Variants in FARP2 observed in about 807,000 individuals in gnomAD.
FARP2 encodes FERM, ARHGEF and pleckstrin domain-containing protein 2.
FARP2 carries 111 observed loss-of-function variants against 130.5 expected under a neutral mutation model. That is an observed-to-expected ratio of 0.85 (90% CI 0.73 to 1.00). The LOEUF is 1.00. FARP2 is among the 50% of genes least tolerant of loss of function. FARP2 has a pLI of 0.00. For missense variants in FARP2, 1,385 were observed against 1,346.3 expected (o/e 1.03, Z -0.45); for synonymous variants, 504 against 516.9 (o/e 0.98, Z 0.34).
At chr2:241,467,506 C>T (rs937241613) in intron 17 of FARP2, among the ~76,000 whole-genome samples, 12 of 152,020 alleles carry the variant, frequency 7.9e-5, no homozygotes, top group Middle Eastern at 3.4e-3. Context: ...AAAAATGAGC[C>T]GGGCGTGGTG....
At chr2:241,442,029 G>A in intron 13 of FARP2, 1 of 358,624 alleles carries the variant, frequency 2.8e-6, no homozygotes, top group South Asian at 2.1e-5. Flanking sequence ...CATTTGAGGA[G>A]GAAAGTGACT....
chr2:241,376,675 ATTC>A, intron 2 of FARP2, among the ~76,000 whole-genome samples: 1 of 152,284 alleles, frequency 6.6e-6, no homozygotes, highest in East Asian at 1.9e-4. Flanking sequence ...TCTCATTCGT[ATTC>A]TGTCTTTCTG....
In FARP2 at chr2:241,463,952, T is replaced by C; in HGVS notation, c.1865T>C (p.Ile622Thr). 6.2e-7 allele frequency: 1 copy of C among 1,614,140 alleles called. No individual in the cohort carries two copies. Among genetic ancestry groups the C allele is most frequent in the Non-Finnish European group, 8.5e-7 (1 of 1,179,972 alleles). Reference sequence around the variant, plus strand: ...GGCAGTCATCAACGAATCGGGGACATCCTGCTCAGGAACATGCGCCAGTTA... The same window carrying C: ...GGCAGTCATCAACGAATCGGGGACACCCTGCTCAGGAACATGCGCCAGTTA... ...TKGSHQRIGD[I>T]LLRNMRQLKE... The change falls in exon 17 of 27, where the codon ATC becomes ACC. Residue 622 changes from isoleucine (I) to threonine (T), a missense_variant. Ile to Thr is a moderately conservative substitution (Grantham distance 89). Transcript: ENST00000264042.
Position 241,373,279 on chromosome 2 carries a change from T to G in FARP2, c.172T>G (p.Phe58Val), listed in dbSNP as rs149449652. 1 of 1,462,566 alleles carries G rather than the reference T, an allele frequency of 6.8e-7. No individual in the cohort carries two copies. Among genetic ancestry groups the G allele is most frequent in the Non-Finnish European group, 9.1e-7 (1 of 1,095,484 alleles). The allele number at this position is 1,462,566 out of a possible 1,614,324, so 90.6% of individuals were successfully genotyped here. The stretch of plus-strand genomic sequence containing the variant: ...GCTGCTGGACAACACCATGGAAATA[T>G]TTGACATTGAGGTAAGAAGCATGAT... ...VKLLDNTMEIFDIEPKCDGQV... is the reference protein window; with the variant it reads ...VKLLDNTMEIVDIEPKCDGQV... The change falls in exon 2 of 27, where the codon TTT becomes GTT. Residue 58 changes from phenylalanine (F) to valine (V), a missense_variant. By Grantham distance (50) the Phe-to-Val change is conservative (BLOSUM62 -1). Coordinates refer to ENST00000264042, the MANE Select transcript of FARP2 (RefSeq NM_014808.4).
rs564968515 is a variant in FARP2, at chr2:241,422,132, G to A, written c.771+4023G>A. On this transcript the variant is annotated intron_variant, in intron 8 of 26. Coordinates refer to ENST00000264042, the MANE Select transcript of FARP2 (RefSeq NM_014808.4). Reference sequence around the variant, plus strand: ...TGCACTCCACCCTGGGCAACAGAGCGAGACTGTCTCAAAAAACAAACACCT... The same window carrying A: ...TGCACTCCACCCTGGGCAACAGAGCAAGACTGTCTCAAAAAACAAACACCT... Among the ~76,000 whole-genome samples the A allele has an allele frequency of 6.6e-5, 10 of 150,780 alleles. No homozygotes were observed. The East Asian group carries it at 1.2e-3, about 18-fold the overall frequency.
intron 22 of FARP2, among the ~76,000 whole-genome samples, chr2:241,490,590 C>T (rs1270639803): frequency 6.6e-6 from 1 of 152,184 alleles, no homozygotes; most frequent in Non-Finnish European, 1.5e-5. Context: ...CATTTGGCGG[C>T]CAGGATGCAG....
chr2:241,468,440 C>T lies in FARP2; in HGVS notation c.2131+63C>T, dbSNP rs1390888547. The stretch of plus-strand genomic sequence containing the variant: ...GTGCGTGGCTGGGAGGCAGGGGCGG[C>T]TTTGCCAGACCTGAAGACTTCCTTC... On this transcript the variant is annotated intron_variant, in intron 18 of 26. Transcript: ENST00000264042. 4.7e-6 allele frequency: 6 copies of T among 1,279,402 alleles called. No individual in the cohort carries two copies. The Admixed American group carries it at 1.1e-4, about 23-fold the overall frequency. The allele number at this position is 1,279,402 out of a possible 1,614,324, so 79.3% of individuals were successfully genotyped here.
In FARP2 at chr2:241,406,074, T is replaced by C. The variant is rs553514177; in HGVS notation, c.331+1233T>C. On this transcript the variant is annotated intron_variant, in intron 4 of 26. Coordinates refer to ENST00000264042, the MANE Select transcript of FARP2 (RefSeq NM_014808.4). Reference sequence around the variant, plus strand: ...ATCCCAGCACTTTGGGAGGCCAAGGTGGGCAGATCACAAGGTCAGGAGATC... The same window carrying C: ...ATCCCAGCACTTTGGGAGGCCAAGGCGGGCAGATCACAAGGTCAGGAGATC... Among the ~76,000 whole-genome samples the C allele has an allele frequency of 6.0e-4, 91 of 151,902 alleles. No individual in the cohort carries two copies. In the Middle Eastern group the frequency reaches 0.014, roughly 23 times the overall value.
intron 12 of FARP2, among the ~76,000 whole-genome samples, chr2:241,441,065 G>A (rs2063370177): frequency 6.6e-6 from 1 of 151,150 alleles, no homozygotes; most frequent in African/African-American, 2.4e-5. Flanking sequence ...GATATTTCAT[G>A]TCATAAGAGA....
chr2:241,466,343 A>G, intron 17 of FARP2: 1 of 985,370 alleles, frequency 1.0e-6, no homozygotes, highest in Non-Finnish European at 1.2e-6. Context: ...GCGACACTAT[A>G]CAACTCCTGG....
intron 2 of FARP2, among the ~76,000 whole-genome samples, chr2:241,401,076 T>G (rs1398139019): frequency 6.6e-6 from 1 of 152,216 alleles, no homozygotes; most frequent in East Asian, 1.9e-4. Flanking sequence ...AGAAATTGTA[T>G]GTACAATGTC....
rs935913626 is a variant in FARP2, at chr2:241,413,514, A to G, written c.623+93A>G. 1.6e-5 allele frequency: 14 copies of G among 879,988 alleles called. No homozygotes were observed. In the African/African-American group the frequency reaches 2.3e-4, roughly 15 times the overall value. 54.5% of individuals were successfully genotyped at this position (879,988 alleles called of 1,614,324 possible). ...AAGGACTGTTGTCGTGACTTCTGCA[A>G]GATTCTAACATAAGGACCATTGCTC... On this transcript the variant is annotated intron_variant, in intron 7 of 26. Coordinates refer to ENST00000264042, the MANE Select transcript of FARP2 (RefSeq NM_014808.4).
At chr2:241,468,415 G>A (rs769547494) in intron 18 of FARP2, 38 bp downstream of exon 18, 21 of 1,527,150 alleles carry the variant, frequency 1.4e-5, no homozygotes, top group South Asian at 2.2e-5. Flanking sequence ...AAGGATCAGC[G>A]TGCGTGGCTG....
chr2:241,431,166 A>G (rs2150396068), intron 8 of FARP2, among the ~76,000 whole-genome samples: 1 of 152,246 alleles, frequency 6.6e-6, no homozygotes, highest in Middle Eastern at 3.4e-3. Flanking sequence ...TGATGATAAT[A>G]TTGCTCCAGC....
At chr2:241,444,200 C>G in intron 13 of FARP2, 1 of 152,278 alleles carries the variant, frequency 6.6e-6, no homozygotes, top group Non-Finnish European at 1.5e-5. Context: ...GCACAGCTTT[C>G]TACATTGGCT....
Position 241,423,637 on chromosome 2 carries a change from A to G in FARP2, c.771+5528A>G, listed in dbSNP as rs199941612. 2.6e-5 allele frequency among the ~76,000 whole-genome samples: 4 copies of G among 152,374 alleles called. No homozygotes were observed. The East Asian group carries it at 7.7e-4, about 29-fold the overall frequency. ...TATTAACCTTAAATGTAAATGGGCT[A>G]AATGCCCCCAATTAAAAGACACAGA... On this transcript the variant is annotated intron_variant, in intron 8 of 26. Transcript: ENST00000264042.
At chr2:241,443,092 C>A (rs771817285) in intron 13 of FARP2, 3 of 249,290 alleles carry the variant, frequency 1.2e-5, no homozygotes, top group Non-Finnish European at 2.3e-5. Context: ...GACTCTGAGA[C>A]CCTAAGGCCC....
intron 20 of FARP2, chr2:241,484,040 A>G: frequency 7.3e-7 from 1 of 1,371,016 alleles, no homozygotes. Flanking sequence ...CTGACCCAGC[A>G]GATGCACTGG....
intron 1 of FARP2, among the ~76,000 whole-genome samples, chr2:241,362,688 G>A (rs1212803529): frequency 6.6e-6 from 1 of 152,110 alleles, no homozygotes; most frequent in Non-Finnish European, 1.5e-5. Context: ...AGTTATTCCA[G>A]CTTTCTCTTG....
Sources: gnomAD v4.1 joint callset for allele counts (sites outside exome capture counted in the v4.1 genomes callset) on GRCh38, gnomAD v4.1.1 for gene constraint, MANE v1.5 for transcripts, NCBI Gene and HGNC (gene_info 2026-07-23, HGNC 2026-07-21) for gene names.